The following CTNNA2 variants were observed in gnomAD, a reference collection of about 807,000 sequenced individuals.
CTNNA2 encodes catenin alpha 2, also known as catenin alpha-2.
A neutral mutation model predicts 101.0 loss-of-function variants in CTNNA2; 42 were observed. The observed-to-expected ratio is 0.42, with a 90% CI of 0.32 to 0.54. CTNNA2 has a LOEUF of 0.54. Ranked by LOEUF, CTNNA2 falls within the 20% of genes least tolerant of loss-of-function variation. CTNNA2 has a pLI of 0.14. For missense variants in CTNNA2, 871 were observed against 1,223.1 expected, an observed-to-expected ratio of 0.71 and a Z score of 4.29; for synonymous variants, 450 against 456.4, an observed-to-expected ratio of 0.99 and a Z score of 0.18.
At chr2:79,756,888 A>T (rs1308554099) in intron 3 of CTNNA2, among the ~76,000 whole-genome samples, 1 of 152,210 alleles carries the variant, frequency 6.6e-6, no homozygotes, top group Non-Finnish European at 1.5e-5. Context: ...TCCTTACTAG[A>T]ATCACTAAAA....
intron 6 of CTNNA2, among the ~76,000 whole-genome samples, chr2:79,885,493 C>T (rs1037136447): frequency 6.6e-6 from 1 of 152,124 alleles, no homozygotes; most frequent in Non-Finnish European, 1.5e-5. Context: ...ATAAGTGTCT[C>T]CTGGGAAAAT....
chr2:80,563,171 GGCAGT>G (rs1193894370), intron 12 of CTNNA2, among the ~76,000 whole-genome samples: 10 of 152,234 alleles, frequency 6.6e-5, no homozygotes, highest in African/African-American at 2.4e-4. Flanking sequence ...CTGTGGTAAT[GGCAGT>G]GTAGTAAATT....
At chr2:79,206,270 T>C (rs980021891) in intron 2 of CTNNA2, among the ~76,000 whole-genome samples, 1 of 150,360 alleles carries the variant, frequency 6.7e-6, no homozygotes, top group Admixed American at 6.6e-5. Flanking sequence ...AGTTTCTTTA[T>C]AATAATGTTT....
chr2:79,632,312 G>A (rs916701859), intron 1 of CTNNA2, among the ~76,000 whole-genome samples: 1 of 152,066 alleles, frequency 6.6e-6, no homozygotes, highest in Non-Finnish European at 1.5e-5. Flanking sequence ...GATAAAAATT[G>A]TGTGCATAGA....
intron 9 of CTNNA2, among the ~76,000 whole-genome samples, chr2:80,425,223 C>A (rs1381800035): frequency 6.6e-5 from 10 of 152,154 alleles, no homozygotes; most frequent in African/African-American, 2.4e-4. Context: ...TCTAGTGGTT[C>A]TCAGCAGGCA....
intron 7 of CTNNA2, among the ~76,000 whole-genome samples, chr2:80,174,249 G>C (rs1705255705): frequency 6.6e-6 from 1 of 152,252 alleles, no homozygotes; most frequent in East Asian, 1.9e-4. Flanking sequence ...CAACTGTGTT[G>C]CCTCATAATA....
chr2:80,588,142 A>G (rs767577976), intron 14 of CTNNA2, among the ~76,000 whole-genome samples: 13 of 152,180 alleles, frequency 8.5e-5, no homozygotes, highest in Non-Finnish European at 4.4e-5. Flanking sequence ...ATTCATTAAC[A>G]TTGAACTCAC....
At chr2:80,628,070 CTCT>C (rs933335582) in intron 18 of CTNNA2, among the ~76,000 whole-genome samples, 1 of 152,022 alleles carries the variant, frequency 6.6e-6, no homozygotes, top group Admixed American at 6.6e-5. Context: ...TATAAAGGAC[CTCT>C]TCAAGGAGAA....
chr2:79,587,252 T>A (rs1442286242), intron 1 of CTNNA2, among the ~76,000 whole-genome samples: 1 of 152,198 alleles, frequency 6.6e-6, no homozygotes. Context: ...CACACTGTTT[T>A]TCAAAGTGAT....
intron 4 of CTNNA2, among the ~76,000 whole-genome samples, chr2:79,458,674 G>T (rs1454261839): frequency 6.6e-6 from 1 of 152,078 alleles, no homozygotes; most frequent in Non-Finnish European, 1.5e-5. Context: ...AAAGTTTATT[G>T]TATATTTGCC....
At chr2:79,773,495 G>T (rs1233177709) in intron 3 of CTNNA2, among the ~76,000 whole-genome samples, 6 of 152,178 alleles carry the variant, frequency 3.9e-5, no homozygotes, top group African/African-American at 1.4e-4. Flanking sequence ...CAGAAAAATG[G>T]TTACATTCTT....
chr2:79,772,676 G>A (rs1305045085), intron 3 of CTNNA2, among the ~76,000 whole-genome samples: 14 of 152,144 alleles, frequency 9.2e-5, no homozygotes, highest in South Asian at 8.3e-4. Context: ...GAGCTCAAGC[G>A]GTTCTCCTGC....
intron 3 of CTNNA2, among the ~76,000 whole-genome samples, chr2:79,801,604 T>C (rs1360826559): frequency 6.6e-6 from 1 of 152,156 alleles, no homozygotes; most frequent in Non-Finnish European, 1.5e-5. Context: ...AGACCCACTC[T>C]ATGTTAATTT....
chr2:80,424,389 C>G (rs1680810085), intron 9 of CTNNA2, among the ~76,000 whole-genome samples: 1 of 152,168 alleles, frequency 6.6e-6, no homozygotes, highest in South Asian at 2.1e-4. Flanking sequence ...CTCTATGAGG[C>G]TTTGAAAATG....
chr2:79,222,329 A>G (rs1326892619), intron 2 of CTNNA2, among the ~76,000 whole-genome samples: 1 of 152,202 alleles, frequency 6.6e-6, no homozygotes, highest in African/African-American at 2.4e-5. Context: ...CCCTTGACTG[A>G]GGGAATGAGT....
intron 15 of CTNNA2, among the ~76,000 whole-genome samples, chr2:80,593,440 G>C (rs765586997): frequency 1.3e-5 from 2 of 151,662 alleles, no homozygotes; most frequent in African/African-American, 4.9e-5. Context: ...ATTTTGACTT[G>C]TGCTGTCCAA....
At chr2:79,268,921 A>C (rs1378895032) in intron 2 of CTNNA2, among the ~76,000 whole-genome samples, 9 of 152,108 alleles carry the variant, frequency 5.9e-5, no homozygotes. Flanking sequence ...GAATACAGTT[A>C]TCCATGTTGG....
chr2:80,212,801 C>A (rs537526944), intron 7 of CTNNA2, among the ~76,000 whole-genome samples: 127 of 152,052 alleles, frequency 8.4e-4, no homozygotes, highest in African/African-American at 2.9e-3. Context: ...CAAGCTCTTC[C>A]TTGTACCTCT....
rs61454985 is a variant in CTNNA2, at chr2:80,232,345, G to GTTTTTTTTTTTT, written c.1057-160834_1057-160823dup. ...GTTTTGTTTGTTTGTTTGTTTGTTT[G>GTTTTTTTTTTTT]TTTTTTTTTTTTTTTTTTTTTTTTT... is the stretch of plus-strand genomic sequence containing the variant. On this transcript the variant is annotated intron_variant, in intron 7 of 18. Transcript: ENST00000402739. Among the ~76,000 whole-genome samples, 94 of 64,770 alleles carry GTTTTTTTTTTTT rather than the reference G, an allele frequency of 1.5e-3. 1 individual carries two copies. The highest frequency in any genetic ancestry group is 1.8e-3 in the Non-Finnish European group (70 of 38,920). 42.5% of individuals were successfully genotyped at this position (64,770 alleles called of 152,430 possible).
Sources: gnomAD v4.1 joint callset for allele counts (sites outside exome capture counted in the v4.1 genomes callset) on GRCh38, gnomAD v4.1.1 for gene constraint, MANE v1.5 for transcripts, NCBI Gene and HGNC (gene_info 2026-07-23, HGNC 2026-07-21) for gene names.